The following PITPNM2 variants were observed in gnomAD, a reference collection of about 807,000 sequenced individuals.
PITPNM2 encodes phosphatidylinositol transfer protein membrane associated 2.
A neutral mutation model predicts 132.2 loss-of-function variants in PITPNM2; 35 were observed. The ratio of observed to expected loss-of-function variants is 0.26; its 90% CI spans 0.20 to 0.35. The LOEUF (loss-of-function observed/expected upper bound fraction) is 0.35. PITPNM2 is among the 10% of genes least tolerant of loss of function. The pLI is 1.00. For synonymous variants in PITPNM2, 738 were observed against 799.2 expected (o/e 0.92, Z 1.29); for missense variants, 1,332 against 1,912.0 (o/e 0.70, Z 5.66).
In PITPNM2 at chr12:123,071,180, G is replaced by A. The variant is rs1312827875; in HGVS notation, c.-95-36495C>T. 3.3e-5 allele frequency among the ~76,000 whole-genome samples: 5 copies of A among 152,352 alleles called. No individual in the cohort carries two copies. The East Asian group carries it at 9.6e-4, about 29-fold the overall frequency. On this transcript the variant is annotated intron_variant, in intron 2 of 25. Transcript: ENST00000320201. ...GAGTAGGGTGGGCAGAGGGCTGCAG[G>A]CAGCAGAGGGGGACAGGCATGCCGG...
Position 123,106,089 on chromosome 12 carries a change from A to G in PITPNM2, c.-96+4296T>C, listed in dbSNP as rs1366956138. On this transcript the variant is annotated intron_variant, in intron 2 of 25. Transcript: ENST00000320201. This position sits in a 1 kb window ranked among gnomAD's most constrained non-coding sequence, Gnocchi z 4.4. ...TGACCAAAAGCATCGCCCAGAAACA[A>G]TCGTCTTGCCACAGGCCCCCTGCTT... Among the ~76,000 whole-genome samples the G allele has an allele frequency of 6.6e-6, 1 of 152,188 alleles. No individual in the cohort carries two copies. Among genetic ancestry groups the G allele is most frequent in the African/African-American group, 2.4e-5 (1 of 41,450 alleles).
In PITPNM2 at chr12:122,997,555, C is replaced by T. The variant is rs768648108; in HGVS notation, c.1242G>A (p.Pro414=). 2.2e-5 allele frequency: 35 copies of T among 1,611,924 alleles called. No individual in the cohort carries two copies. In the South Asian group the frequency reaches 2.2e-4, roughly 10 times the overall value. The change falls in exon 11 of 26, where the codon CCG becomes CCA. Residue 414 remains proline (P), a synonymous_variant. Coordinates refer to ENST00000320201, the MANE Select transcript of PITPNM2 (RefSeq NM_020845.3). ...GGATCTTGGAGGGCGGTGCAGCCAGCGGCTGGCTAACCTCGTCCTGCATGG... is the reference window on the plus strand; with the variant it reads ...GGATCTTGGAGGGCGGTGCAGCCAGTGGCTGGCTAACCTCGTCCTGCATGG... ...LNIIEDEVSQ[P]LAAPPSKIHV...
chr12:122,999,970 A>G (rs1220696174), intron 10 of PITPNM2, among the ~76,000 whole-genome samples: 1 of 152,200 alleles, frequency 6.6e-6, no homozygotes, highest in Non-Finnish European at 1.5e-5. Flanking sequence ...ATTAAGCAGC[A>G]ATTGGAAATC....
At chr12:123,070,187 G>A (rs571720110) in intron 2 of PITPNM2, among the ~76,000 whole-genome samples, 2 of 152,338 alleles carry the variant, frequency 1.3e-5, no homozygotes, top group Admixed American at 1.3e-4. Flanking sequence ...CTGCTCTTGG[G>A]GCTTAAATCA....
intron 2 of PITPNM2, among the ~76,000 whole-genome samples, chr12:123,059,360 G>A (rs1016559076): frequency 4.6e-5 from 7 of 152,236 alleles, no homozygotes; most frequent in African/African-American, 1.4e-4. Flanking sequence ...CCCAGAGAAG[G>A]TCAGGGAGGA....
chr12:123,114,930 G>T (rs1005732325), intron 1 of PITPNM2, among the ~76,000 whole-genome samples: 1 of 152,168 alleles, frequency 6.6e-6, no homozygotes, highest in Non-Finnish European at 1.5e-5. Context: ...GCACAGTTAC[G>T]GTGTAGACCC....
chr12:123,132,184 C>T lies in PITPNM2; in HGVS notation c.-200+18569G>A, dbSNP rs373141426. 5.9e-5 allele frequency among the ~76,000 whole-genome samples: 9 copies of T among 152,370 alleles called. No individual in the cohort carries two copies. The South Asian group carries it at 6.2e-4, about 11-fold the overall frequency. ...TATCTTTCCACTCACTGAGAGCAAG[C>T]GAGAGCCATATAAGGACATGCCCAA... On this transcript the variant is annotated intron_variant, in intron 1 of 25. Transcript: ENST00000320201.
chr12:123,000,904 C>G lies in PITPNM2; in HGVS notation c.1154-56G>C. The G allele has an allele frequency of 2.5e-6, 4 of 1,599,062 alleles. No homozygotes were observed. In the South Asian group the frequency reaches 4.4e-5, roughly 18 times the overall value. ...TGAGGGGCAGCCCAACCTGGCCGAC[C>G]GGACAGAGGCTGCAACTGTGACGAG... On this transcript the variant is annotated intron_variant, in intron 9 of 25. Coordinates refer to ENST00000320201, the MANE Select transcript of PITPNM2 (RefSeq NM_020845.3). The surrounding 1 kb of genome is among the most constrained non-coding windows in gnomAD (Gnocchi z 5.4).
intron 2 of PITPNM2, among the ~76,000 whole-genome samples, chr12:123,094,935 C>A (rs2042367877): frequency 6.6e-6 from 1 of 152,236 alleles, no homozygotes; most frequent in Admixed American, 6.5e-5. Flanking sequence ...TACACCCTCG[C>A]AGAACCACAG....
rs1230897995 is a variant in PITPNM2, at chr12:122,994,767, T to C, written c.2233+34A>G. 6.3e-7 allele frequency: 1 copy of C among 1,587,810 alleles called. No individual in the cohort carries two copies. The highest frequency in any genetic ancestry group is 8.6e-7 in the Non-Finnish European group (1 of 1,168,444). On this transcript the variant is annotated intron_variant, in intron 15 of 25. Transcript: ENST00000320201. This position sits in a 1 kb window ranked among gnomAD's most constrained non-coding sequence, Gnocchi z 5.4. Reference sequence around the variant, plus strand: ...GACCCCCGCCCCCGCACCCAGTGCATGTACCCCCCATCCTGCCCCTGCTGG... The same window carrying C: ...GACCCCCGCCCCCGCACCCAGTGCACGTACCCCCCATCCTGCCCCTGCTGG...
At chr12:123,001,190 C>T (rs1045697041) in intron 8 of PITPNM2, 32 bp from the exon 9 acceptor site, 1 of 1,563,266 alleles carries the variant, frequency 6.4e-7, no homozygotes, top group African/African-American at 1.4e-5. Context: ...TCAGGTGGGA[C>T]TGGGAACGCT....
chr12:123,021,160 C>A (rs1159290003), intron 3 of PITPNM2, among the ~76,000 whole-genome samples: 6 of 152,080 alleles, frequency 3.9e-5, no homozygotes, highest in African/African-American at 1.4e-4. Flanking sequence ...CCTGCGCAGC[C>A]ACCCACCCTG....
chr12:123,123,601 C>T (rs2043073956), intron 1 of PITPNM2, among the ~76,000 whole-genome samples: 1 of 151,338 alleles, frequency 6.6e-6, no homozygotes, highest in Non-Finnish European at 1.5e-5. Context: ...ACAGAGCAAA[C>T]CCTCTCTCTC....
At position 122,983,596 on chromosome 12, in the gene PITPNM2, A is replaced by C. The variant is rs969487580; in HGVS notation, c.*2431T>G. The C allele has an allele frequency of 6.5e-6, 1 of 152,716 alleles. No homozygotes were observed. Among genetic ancestry groups the C allele is most frequent in the African/African-American group, 2.4e-5 (1 of 41,456 alleles). The allele number at this position is 152,716 out of a possible 1,614,324, so 9.5% of individuals were successfully genotyped here. A position where few individuals can be genotyped will look rare whatever the true frequency, so the allele number is the denominator to read the frequency against. On this transcript the variant is annotated 3_prime_UTR_variant, in exon 26 of 26. Coordinates refer to ENST00000320201, the MANE Select transcript of PITPNM2 (RefSeq NM_020845.3). ...ATGGGGAGATGGGGACACTGCTCAC[A>C]CATGGCCCAGAGAAACAGACGGCAC...
intron 3 of PITPNM2, among the ~76,000 whole-genome samples, chr12:123,030,520 C>T (rs369019687): frequency 4.7e-4 from 71 of 151,980 alleles, no homozygotes; most frequent in East Asian, 3.9e-4. Flanking sequence ...GGTGAAACCC[C>T]GTCTCTACTA....
chr12:123,128,565 AACATGTTG>A (rs2043197558), intron 1 of PITPNM2, among the ~76,000 whole-genome samples: 1 of 151,582 alleles, frequency 6.6e-6, no homozygotes, highest in African/African-American at 2.4e-5. Context: ...CATCTTGGCT[AACATGTTG>A]AAACCCCGCC....
intron 2 of PITPNM2, among the ~76,000 whole-genome samples, chr12:123,068,543 G>A (rs2041519707): frequency 6.6e-6 from 1 of 152,188 alleles, no homozygotes; most frequent in South Asian, 2.1e-4. Flanking sequence ...ACAGCCTTAA[G>A]AACTAACGCA....
intron 2 of PITPNM2, among the ~76,000 whole-genome samples, chr12:123,093,226 A>C (rs1428671377): frequency 2.0e-5 from 3 of 152,212 alleles, no homozygotes; most frequent in African/African-American, 7.2e-5. Context: ...TTTGGGGACA[A>C]ATGAGGGATA....
At position 122,987,815 on chromosome 12, in the gene PITPNM2, G is replaced by T. The variant is rs769943869; in HGVS notation, c.3084C>A (p.Pro1028=). 1 of 1,613,890 alleles carries T rather than the reference G, an allele frequency of 6.2e-7. No homozygotes were observed. The highest frequency in any genetic ancestry group is 1.3e-5 in the African/African-American group (1 of 74,924). ...QVLTGRFMYG[P]LDMVTLTGEK... ...CCCCAGTCAGGGTGACCATGTCCAG[G>T]GGCCCATACATGAACCTGCCCGTCA... The change falls in exon 21 of 26, where the codon CCC becomes CCA. Residue 1028 remains proline, a synonymous_variant. Transcript: ENST00000320201.
Sources: gnomAD v4.1 joint callset for allele counts (sites outside exome capture counted in the v4.1 genomes callset) on GRCh38, gnomAD v4.1.1 for gene constraint, Gnocchi (gnomAD v3.1) non-coding constraint, MANE v1.5 for transcripts, NCBI Gene and HGNC (gene_info 2026-07-23, HGNC 2026-07-21) for gene names.